Variants in SLC35F3 observed in about 807,000 individuals in gnomAD.
The protein encoded by SLC35F3 is putative thiamine transporter SLC35F3.
Under a neutral mutation model 49.9 loss-of-function variants are expected in SLC35F3, and 25 were observed. The ratio of observed to expected loss-of-function variants is 0.50; its 90% CI spans 0.37 to 0.70. The LOEUF is 0.70. Among genes scored for constraint, SLC35F3 ranks in the 30% least tolerant of loss-of-function variants. SLC35F3 has a pLI of 0.00. For missense variants in SLC35F3, 525 were observed against 639.8 expected (o/e 0.82, Z 1.94); for synonymous variants, 275 against 265.4 (o/e 1.04, Z -0.35).
chr1:234,058,864 C>G (rs574178605), intron 2 of SLC35F3, among the ~76,000 whole-genome samples: 7 of 151,904 alleles, frequency 4.6e-5, no homozygotes, highest in Non-Finnish European at 1.0e-4. Context: ...CATTATGTAT[C>G]TATTTAAATG....
chr1:234,268,015 C>A (rs1298526073), intron 3 of SLC35F3, among the ~76,000 whole-genome samples: 2 of 151,326 alleles, frequency 1.3e-5, no homozygotes, highest in Non-Finnish European at 2.9e-5. Flanking sequence ...AGACGATGGG[C>A]GGCCAAGCAG....
At chr1:234,003,741 G>T (rs1663587394) in intron 2 of SLC35F3, among the ~76,000 whole-genome samples, 1 of 152,106 alleles carries the variant, frequency 6.6e-6, no homozygotes, top group South Asian at 2.1e-4. Flanking sequence ...GAGGAATACG[G>T]AATGAACTCC....
intron 3 of SLC35F3, among the ~76,000 whole-genome samples, chr1:234,273,887 A>C (rs1321949998): frequency 6.6e-6 from 1 of 152,182 alleles, no homozygotes; most frequent in Non-Finnish European, 1.5e-5. Context: ...GCAAAAGGTA[A>C]GACTGACCAG....
chr1:234,004,003 G>GA (rs1663591940), intron 2 of SLC35F3, among the ~76,000 whole-genome samples: 1 of 152,122 alleles, frequency 6.6e-6, no homozygotes, highest in Non-Finnish European at 1.5e-5. Context: ...ACTGATGGGA[G>GA]AATAAATGAC....
intron 3 of SLC35F3, among the ~76,000 whole-genome samples, chr1:234,245,444 C>A (rs1416796671): frequency 2.0e-5 from 3 of 152,198 alleles, no homozygotes; most frequent in South Asian, 4.1e-4. Context: ...GTGCAGGTAT[C>A]CCTTTGAGAT....
At chr1:234,035,968 C>A (rs6699703) in intron 2 of SLC35F3, among the ~76,000 whole-genome samples, 7 of 152,108 alleles carry the variant, frequency 4.6e-5, no homozygotes, top group Middle Eastern at 3.4e-3. Flanking sequence ...CTTGGCTGTC[C>A]GCTCATACTT....
intron 3 of SLC35F3, chr1:234,272,397 T>A (rs947830927): frequency 6.6e-6 from 1 of 152,228 alleles, no homozygotes; most frequent in South Asian, 2.1e-4. Flanking sequence ...GAAGTAGCAC[T>A]TCCAGAACAT....
At chr1:233,990,642 ACT>A (rs1010919779) in intron 2 of SLC35F3, among the ~76,000 whole-genome samples, 14 of 152,116 alleles carry the variant, frequency 9.2e-5, no homozygotes, top group African/African-American at 3.1e-4. Flanking sequence ...CACAAAGGTA[ACT>A]CTGTGAGGTG....
intron 2 of SLC35F3, among the ~76,000 whole-genome samples, chr1:234,147,321 T>C (rs1456704376): frequency 2.0e-5 from 3 of 152,020 alleles, no homozygotes; most frequent in Non-Finnish European, 4.4e-5. Flanking sequence ...CTTTTATATT[T>C]TCTGCATCCA....
chr1:233,983,274 C>T (rs1265062727), intron 2 of SLC35F3, among the ~76,000 whole-genome samples: 1 of 152,058 alleles, frequency 6.6e-6, no homozygotes, highest in African/African-American at 2.4e-5. Flanking sequence ...ATTAATTAAG[C>T]CAAAAGAAGG....
chr1:234,072,490 A>T (rs1277573619), intron 2 of SLC35F3, among the ~76,000 whole-genome samples: 1 of 152,250 alleles, frequency 6.6e-6, no homozygotes, highest in Non-Finnish European at 1.5e-5. Flanking sequence ...ACAATTAAAT[A>T]TGTAACATGT....
At chr1:233,937,492 A>T (rs1662354135) in intron 2 of SLC35F3, among the ~76,000 whole-genome samples, 1 of 152,202 alleles carries the variant, frequency 6.6e-6, no homozygotes, top group African/African-American at 2.4e-5. Flanking sequence ...CCCTCTGTTT[A>T]TGCTTGCCCA....
chr1:234,309,013 CT>C, intron 3 of SLC35F3, 87 bp from the exon 4 acceptor site: 1 of 739,756 alleles, frequency 1.4e-6, no homozygotes, highest in Non-Finnish European at 2.0e-6. Flanking sequence ...CCTATATTTG[CT>C]TAAAAAAAAA....
chr1:234,195,555 C>T (rs1026596527), intron 2 of SLC35F3, among the ~76,000 whole-genome samples: 3 of 152,106 alleles, frequency 2.0e-5, no homozygotes, highest in Non-Finnish European at 4.4e-5. Context: ...ACTGGAAGGC[C>T]CTTCTCCCCA....
At chr1:234,119,844 A>T (rs1665546666) in intron 2 of SLC35F3, among the ~76,000 whole-genome samples, 1 of 152,196 alleles carries the variant, frequency 6.6e-6, no homozygotes. Flanking sequence ...AGCAATATGC[A>T]CTATTTTCTT....
At chr1:234,222,187 G>A (rs1667217546) in intron 2 of SLC35F3, among the ~76,000 whole-genome samples, 1 of 152,180 alleles carries the variant, frequency 6.6e-6, no homozygotes, top group Non-Finnish European at 1.5e-5. Context: ...CCAAAGAGAA[G>A]CTGTGCATCT....
Position 234,272,742 on chromosome 1 carries a change from C to T in SLC35F3, c.609-36359C>T, listed in dbSNP as rs145356386. 4.0e-3 allele frequency among the ~76,000 whole-genome samples: 607 copies of T among 152,206 alleles called. 1 individual carries two copies. Among genetic ancestry groups the T allele is most frequent in the Non-Finnish European group, 6.4e-3 (433 of 68,008 alleles). ...TCTTTTTCCTTTCCATGATAGTGAC[C>T]ACTCCCATATAGACTTGCTTTCCAA... On this transcript the variant is annotated intron_variant, in intron 3 of 7. Coordinates refer to ENST00000366618, the MANE Select transcript of SLC35F3 (RefSeq NM_173508.4).
chr1:234,299,022 T>C (rs1005542818), intron 3 of SLC35F3, among the ~76,000 whole-genome samples: 10 of 152,182 alleles, frequency 6.6e-5, no homozygotes, highest in Non-Finnish European at 1.2e-4. Context: ...ACCAGCAGCA[T>C]GGAACTTACA....
intron 2 of SLC35F3, among the ~76,000 whole-genome samples, chr1:234,159,558 A>G (rs1666197899): frequency 6.6e-6 from 1 of 152,176 alleles, no homozygotes; most frequent in Non-Finnish European, 1.5e-5. Flanking sequence ...TCTCAAAAAA[A>G]AAAGAACCTA....
Sources: gnomAD v4.1 joint callset for allele counts (sites outside exome capture counted in the v4.1 genomes callset) on GRCh38, gnomAD v4.1.1 for gene constraint, MANE v1.5 for transcripts, NCBI Gene and HGNC (gene_info 2026-07-23, HGNC 2026-07-21) for gene names.